The following STK3 variants were observed in gnomAD, a reference collection of about 807,000 sequenced individuals.
The protein encoded by STK3 is serine/threonine-protein kinase 3.
In STK3, 41 loss-of-function variants were observed where a neutral mutation model predicts 58.0. That is an observed-to-expected ratio of 0.71 (90% CI 0.55 to 0.92). STK3 has a LOEUF of 0.92. Among genes scored for constraint, STK3 ranks in the 40% least tolerant of loss-of-function variants. The probability of loss-of-function intolerance (pLI) is 0.00; values close to 1 mark genes in which losing one functional copy is unlikely to be tolerated. For synonymous variants in STK3, 170 were observed against 191.0 expected, an observed-to-expected ratio of 0.89 and a Z score of 0.91; for missense variants, 479 against 602.7, an observed-to-expected ratio of 0.79 and a Z score of 2.15.
intron 4 of STK3, among the ~76,000 whole-genome samples, chr8:98,718,086 A>T (rs1827151121): frequency 6.6e-6 from 1 of 152,244 alleles, no homozygotes; most frequent in Non-Finnish European, 1.5e-5. Context: ...TAATGGGTAC[A>T]GAGTTTCAGT....
chr8:98,714,234 C>T (rs565214407), intron 4 of STK3, among the ~76,000 whole-genome samples: 1 of 152,280 alleles, frequency 6.6e-6, no homozygotes, highest in Admixed American at 6.5e-5. Context: ...CAGGGATGCC[C>T]TCTCTCACCG....
intron 1 of STK3, among the ~76,000 whole-genome samples, chr8:98,922,415 T>C (rs891991143): frequency 3.3e-5 from 5 of 152,384 alleles, no homozygotes; most frequent in East Asian, 3.9e-4. Context: ...ACATCTGTAA[T>C]GTTTGAGTCA....
intron 4 of STK3, among the ~76,000 whole-genome samples, chr8:98,717,018 T>A (rs147059481): frequency 6.6e-6 from 1 of 151,946 alleles, no homozygotes; most frequent in Non-Finnish European, 1.5e-5. Flanking sequence ...CAAAAATTAA[T>A]TGAAAATGAA....
chr8:98,923,887 A>T (rs1839683215), intron 1 of STK3, among the ~76,000 whole-genome samples: 1 of 146,830 alleles, frequency 6.8e-6, no homozygotes, highest in Non-Finnish European at 1.5e-5. Flanking sequence ...GTTGACAATG[A>T]TGGGAGAGAA....
At chr8:98,821,133 C>A (rs1315994370) in intron 1 of STK3, among the ~76,000 whole-genome samples, 1 of 152,134 alleles carries the variant, frequency 6.6e-6, no homozygotes, top group Non-Finnish European at 1.5e-5. Context: ...GGCAACACAG[C>A]AGGAGGTGAG....
chr8:98,569,851 A>G (rs1189966716), intron 8 of STK3, among the ~76,000 whole-genome samples: 1 of 151,072 alleles, frequency 6.6e-6, no homozygotes, highest in Non-Finnish European at 1.5e-5. Flanking sequence ...TTTACTTTTT[A>G]CCATGTAAAG....
At chr8:98,486,991 C>T (rs1355988483) in intron 10 of STK3, among the ~76,000 whole-genome samples, 1 of 151,972 alleles carries the variant, frequency 6.6e-6, no homozygotes, top group African/African-American at 2.4e-5. Flanking sequence ...ACCTCTTTCT[C>T]GAGAAAGTGA....
At chr8:98,922,545 C>T (rs1327212588) in intron 1 of STK3, among the ~76,000 whole-genome samples, 1 of 152,234 alleles carries the variant, frequency 6.6e-6, no homozygotes, top group Non-Finnish European at 1.5e-5. Context: ...GTTATTCCTG[C>T]ACACCTAGCT....
chr8:98,916,346 G>A (rs940782174), intron 1 of STK3, among the ~76,000 whole-genome samples: 3 of 152,156 alleles, frequency 2.0e-5, no homozygotes, highest in Non-Finnish European at 2.9e-5. Context: ...CCCAGGACGC[G>A]GAGGTTGCAG....
chr8:98,551,608 A>G (rs1308025194), intron 8 of STK3, among the ~76,000 whole-genome samples: 1 of 152,134 alleles, frequency 6.6e-6, no homozygotes, highest in Non-Finnish European at 1.5e-5. Context: ...TTGCAATCTT[A>G]CATGAAAAAT....
At position 98,580,447 on chromosome 8, in the gene STK3, A is replaced by T. The variant is rs141428567; in HGVS notation, c.823-658T>A. 9.2e-3 allele frequency among the ~76,000 whole-genome samples: 1,404 copies of T among 152,160 alleles called. 17 individuals carry two copies. Among genetic ancestry groups the T allele is most frequent in the African/African-American group, 0.032 (1,327 of 41,560 alleles). ...CTATCAGAATAGACCTAGGTTTTGA[A>T]TTTCTTTTTATTGAGAAGGAGGGAC... On this transcript the variant is annotated intron_variant, in intron 7 of 10. Transcript: ENST00000419617.
intron 6 of STK3, among the ~76,000 whole-genome samples, chr8:98,621,235 C>G (rs988975621): frequency 2.6e-5 from 4 of 152,194 alleles, no homozygotes; most frequent in Admixed American, 2.6e-4. Context: ...CCACCGCGCC[C>G]GGCCAACAAC....
chr8:98,809,869 CTATAAAGA>C (rs1834109842), intron 1 of STK3, among the ~76,000 whole-genome samples: 1 of 152,174 alleles, frequency 6.6e-6, no homozygotes, highest in Non-Finnish European at 1.5e-5. Context: ...TCTGGCGCTG[CTATAAAGA>C]AATACCTGAG....
intron 3 of STK3, among the ~76,000 whole-genome samples, chr8:98,874,152 A>T (rs1346423612): frequency 2.6e-5 from 4 of 152,178 alleles, no homozygotes; most frequent in Non-Finnish European, 4.4e-5. Context: ...CTCTTCTTTA[A>T]GAATGTTGAA....
downstream of STK3, among the ~76,000 whole-genome samples, chr8:98,453,948 T>C (rs1016029449): frequency 2.6e-5 from 4 of 152,210 alleles, no homozygotes; most frequent in South Asian, 2.1e-4. Flanking sequence ...GACTCCAGTA[T>C]AGATTTGCTG....
chr8:98,382,198 C>G (rs1247357621), intron 1 of STK3, among the ~76,000 whole-genome samples: 1 of 152,122 alleles, frequency 6.6e-6, no homozygotes, highest in African/African-American at 2.4e-5. Context: ...AGCAGGCTGG[C>G]CTTCTGCGTC....
chr8:98,763,221 T>C (rs752735324), intron 3 of STK3, among the ~76,000 whole-genome samples: 1 of 152,224 alleles, frequency 6.6e-6, no homozygotes, highest in Non-Finnish European at 1.5e-5. Context: ...ACTAATATTC[T>C]ATGATTTATC....
chr8:98,442,327 A>G (rs771375141), intron 1 of STK3, among the ~76,000 whole-genome samples: 1 of 152,240 alleles, frequency 6.6e-6, no homozygotes, highest in Non-Finnish European at 1.5e-5. Context: ...CTCGGAACTT[A>G]CAGGTCTATG....
rs563979053 is a variant in STK3 at position 98,656,539 on chromosome 8, C to T, written c.684+49928G>A. Among the ~76,000 whole-genome samples, 27 of 152,110 alleles carry T rather than the reference C, an allele frequency of 1.8e-4. No individual in the cohort carries two copies. In the East Asian group the frequency reaches 3.5e-3, roughly 20 times the overall value. On this transcript the variant is annotated intron_variant, in intron 6 of 10. Coordinates refer to ENST00000419617, the MANE Select transcript of STK3 (RefSeq NM_006281.4). ...TTTATATTTATGTACTCAAGAAAGG[C>T]TGTTGAATTTTATTCAATTTTTTCA...
Sources: gnomAD v4.1 joint callset for allele counts (sites outside exome capture counted in the v4.1 genomes callset) on GRCh38, gnomAD v4.1.1 for gene constraint, MANE v1.5 for transcripts, NCBI Gene and HGNC (gene_info 2026-07-23, HGNC 2026-07-21) for gene names.